OPRM1: variants seen among roughly 807,000 people sequenced by gnomAD.
The protein encoded by OPRM1 is mu-type opioid receptor.
A neutral mutation model predicts 31.8 loss-of-function variants in OPRM1; 27 were observed. That is an observed-to-expected ratio of 0.85 (90% CI 0.63 to 1.17). The LOEUF is 1.17. OPRM1 is among the 50% of genes most tolerant of loss of function. The pLI is 0.00. For missense variants in OPRM1, 536 were observed against 511.1 expected (o/e 1.05, Z -0.47); for synonymous variants, 196 against 189.9 (o/e 1.03, Z -0.26).
intron 1 of OPRM1, among the ~76,000 whole-genome samples, chr6:154,072,955 A>T (rs1787113448): frequency 6.6e-6 from 1 of 152,206 alleles, no homozygotes; most frequent in East Asian, 1.9e-4. Context: ...TGGGAAGCTG[A>T]ATCTCAAAGA....
At chr6:154,046,440 T>TATAAGAAAACAAACAAACAAAAAATC (rs1327696394) in intron 1 of OPRM1, among the ~76,000 whole-genome samples, 2 of 152,158 alleles carry the variant, frequency 1.3e-5, no homozygotes, top group African/African-American at 4.8e-5. Context: ...TATCTGAGGG[T>TATAAGAAAACAAACAAACAAAAAATC]ATAAGAAAAC....
intron 3 of OPRM1, among the ~76,000 whole-genome samples, chr6:154,200,661 C>A (rs1776993056): frequency 6.6e-6 from 1 of 152,126 alleles, no homozygotes; most frequent in Non-Finnish European, 1.5e-5. Context: ...GCAGAGATTG[C>A]AGCGAGCTAA....
rs200988319 is a variant in OPRM1, at chr6:154,118,883, A to G, written c.*162A>G. 1 of 1,449,946 alleles carries G rather than the reference A, an allele frequency of 6.9e-7. No homozygotes were observed. The highest frequency in any genetic ancestry group is 2.4e-5 in the East Asian group (1 of 42,038). 89.8% of individuals were successfully genotyped at this position (1,449,946 alleles called of 1,614,324 possible). On this transcript the variant is annotated 3_prime_UTR_variant, in exon 4 of 4. Coordinates refer to ENST00000330432, the MANE Select transcript of OPRM1 (RefSeq NM_000914.5). ...CTCTGGCCACTCTGCTCTGCACATT[A>G]GAGGGACAGCCAAAAGTAAGTGGAG...
rs116985627 is a variant in OPRM1 at position 154,111,619 on chromosome 6, A to G, written c.1165-7064A>G. Among the ~76,000 whole-genome samples the G allele has an allele frequency of 7.0e-3, 1,073 of 152,352 alleles. 4 individuals are homozygous for G. Among genetic ancestry groups the G allele is most frequent in the Non-Finnish European group, 0.011 (738 of 68,038 alleles). The stretch of plus-strand genomic sequence containing the variant: ...AATACACACCAACCTTTGCGTGGAT[A>G]AAGATTAAAAGTGCCTTAAATCAGC... On this transcript the variant is annotated intron_variant, in intron 3 of 3. Coordinates refer to ENST00000330432, the MANE Select transcript of OPRM1 (RefSeq NM_000914.5).
intron 1 of OPRM1, among the ~76,000 whole-genome samples, chr6:154,057,447 G>T (rs1783535143): frequency 6.6e-6 from 1 of 152,136 alleles, no homozygotes; most frequent in African/African-American, 2.4e-5. Context: ...TGTTCTCAAG[G>T]TTTATTGCCA....
chr6:154,035,449 T>C (rs1779248426), upstream of OPRM1, among the ~76,000 whole-genome samples: 2 of 152,138 alleles, frequency 1.3e-5, no homozygotes. Flanking sequence ...ATTTAAAAGT[T>C]AGATAACATA....
At chr6:154,199,187 C>T (rs1365709761) in intron 3 of OPRM1, among the ~76,000 whole-genome samples, 1 of 152,146 alleles carries the variant, frequency 6.6e-6, no homozygotes, top group East Asian at 1.9e-4. Flanking sequence ...TGTCTGTCTT[C>T]CCATCAACCA....
At chr6:154,010,516 A>G in exon 1 of OPRM1, 1 of 1,543,670 alleles carries the variant, frequency 6.5e-7, no homozygotes. Context: ...AAAGAAAATG[A>G]TGAGGGCTAA....
intron 3 of OPRM1, among the ~76,000 whole-genome samples, chr6:154,205,836 C>T (rs901866378): frequency 1.2e-4 from 19 of 152,142 alleles, no homozygotes; most frequent in Admixed American, 6.5e-4. Flanking sequence ...TCCTTTCTAA[C>T]ACATCATAAA....
intron 3 of OPRM1, among the ~76,000 whole-genome samples, chr6:154,224,706 G>T (rs1779119592): frequency 6.6e-6 from 1 of 151,778 alleles, no homozygotes; most frequent in African/African-American, 2.4e-5. Flanking sequence ...GTGGGACTCT[G>T]TCTTAAAAAA....
intron 3 of OPRM1, among the ~76,000 whole-genome samples, chr6:154,208,961 C>T (rs916255841): frequency 6.6e-6 from 1 of 152,180 alleles, no homozygotes; most frequent in African/African-American, 2.4e-5. Flanking sequence ...CACTATCAAC[C>T]CTCTGAAACC....
At chr6:154,052,748 T>A (rs1055218325) in intron 1 of OPRM1, among the ~76,000 whole-genome samples, 1 of 152,190 alleles carries the variant, frequency 6.6e-6, no homozygotes, top group South Asian at 2.1e-4. Flanking sequence ...GATTACATAT[T>A]GTTTACTACA....
chr6:154,136,568 C>A (rs1227881000), downstream of OPRM1, among the ~76,000 whole-genome samples: 1 of 152,168 alleles, frequency 6.6e-6, no homozygotes, highest in East Asian at 1.9e-4. Flanking sequence ...CCAGGGGGAT[C>A]TCATGTTCCA....
chr6:154,170,654 C>T (rs1381071463), intron 3 of OPRM1, among the ~76,000 whole-genome samples: 3 of 152,312 alleles, frequency 2.0e-5, no homozygotes, highest in South Asian at 4.1e-4. Flanking sequence ...CGTGTGCAGA[C>T]ATCAAAAGTG....
chr6:154,025,564 G>A (rs1159823266), intron 1 of OPRM1, among the ~76,000 whole-genome samples: 2 of 151,636 alleles, frequency 1.3e-5, no homozygotes, highest in East Asian at 1.9e-4. Context: ...CCTCCCATTT[G>A]GTTATTTGTT....
intron 3 of OPRM1, among the ~76,000 whole-genome samples, chr6:154,143,736 G>T (rs943927361): frequency 1.3e-5 from 2 of 152,112 alleles, no homozygotes; most frequent in African/African-American, 2.4e-5. Context: ...GGGCAAGTTT[G>T]GTCCTAAAAC....
At chr6:154,114,728 T>C (rs1475515203) in intron 3 of OPRM1, among the ~76,000 whole-genome samples, 1 of 151,784 alleles carries the variant, frequency 6.6e-6, no homozygotes, top group African/African-American at 2.4e-5. Flanking sequence ...TGGCATGATC[T>C]AACACAAGCC....
At chr6:154,218,201 T>C (rs1284163835) in intron 3 of OPRM1, among the ~76,000 whole-genome samples, 4 of 152,216 alleles carry the variant, frequency 2.6e-5, no homozygotes, top group Non-Finnish European at 5.9e-5. Flanking sequence ...TGGGAGTTTG[T>C]TGTATATTAA....
At position 154,168,136 on chromosome 6, in the gene OPRM1, G is replaced by A; in HGVS notation, c.1164+76664G>A. On this transcript the variant is annotated intron_variant, in intron 3 of 3. Coordinates refer to the OPRM1 transcript ENST00000337049. This position sits in a 1 kb window ranked among gnomAD's most constrained non-coding sequence, Gnocchi z 4.1. Reference sequence around the variant, plus strand: ...CTTCTATTTGAAAAAAAAAAAGAAAGCAGTAACAATAAACCCAGTGAAAAA... The same window carrying A: ...CTTCTATTTGAAAAAAAAAAAGAAAACAGTAACAATAAACCCAGTGAAAAA... The A allele has an allele frequency of 1.3e-6, 2 of 1,497,752 alleles. No individual in the cohort carries two copies. The highest frequency in any genetic ancestry group is 1.8e-6 in the Non-Finnish European group (2 of 1,107,102). 92.8% of individuals were successfully genotyped at this position (1,497,752 alleles called of 1,614,324 possible). A position where few individuals can be genotyped will look rare whatever the true frequency, so the allele number is the denominator to read the frequency against.
Sources: gnomAD v4.1 joint callset for allele counts (sites outside exome capture counted in the v4.1 genomes callset) on GRCh38, gnomAD v4.1.1 for gene constraint, Gnocchi (gnomAD v3.1) non-coding constraint, MANE v1.5 for transcripts, NCBI Gene and HGNC (gene_info 2026-07-23, HGNC 2026-07-21) for gene names.